The following CUX1 variants were observed in gnomAD, a reference collection of about 807,000 sequenced individuals.
The protein encoded by CUX1 is protein CASP.
Under a neutral mutation model 158.8 loss-of-function variants are expected in CUX1, and 31 were observed. The ratio of observed to expected loss-of-function variants is 0.20; its 90% CI spans 0.15 to 0.26. CUX1 has a LOEUF of 0.26. Ranked by LOEUF, CUX1 falls within the 10% of genes least tolerant of loss-of-function variation. CUX1 has a pLI of 1.00. For synonymous variants in CUX1, 879 were observed against 862.1 expected (o/e 1.02, Z -0.34); for missense variants, 1,589 against 2,014.6 (o/e 0.79, Z 4.04).
chr7:101,822,327 A>G (rs1038857377), intron 1 of CUX1: 1 of 152,184 alleles, frequency 6.6e-6, no homozygotes, highest in Admixed American at 6.5e-5. Flanking sequence ...GAGGACAGCT[A>G]AGGTTTGGTA....
rs868492012 is a variant in CUX1 at position 101,837,043 on chromosome 7, C to T, written c.30+19374C>T. Among the ~76,000 whole-genome samples, 151 of 152,282 alleles carry T rather than the reference C, an allele frequency of 9.9e-4. No homozygotes were observed. The Middle Eastern group carries it at 0.02, about 21-fold the overall frequency. On this transcript the variant is annotated intron_variant, in intron 1 of 23. Coordinates refer to ENST00000292535, the MANE Select transcript of CUX1 (RefSeq NM_181552.4). ...ATTGTGTTATTTGGAGATGGAAGAG[C>T]ATTCTGAAACAAGCCACTATAATGA... is the stretch of plus-strand genomic sequence containing the variant.
intron 2 of CUX1, chr7:101,932,761 T>A: frequency 2.6e-6 from 1 of 385,186 alleles, no homozygotes; most frequent in South Asian, 1.9e-5. Context: ...AAAAATACTG[T>A]TTCACTTAAC....
At chr7:102,241,287 C>T (rs1800180966) in intron 23 of CUX1, among the ~76,000 whole-genome samples, 1 of 152,166 alleles carries the variant, frequency 6.6e-6, no homozygotes, top group Non-Finnish European at 1.5e-5. Context: ...TAACCATACT[C>T]TCTGCTGCTA....
chr7:102,000,709 TATGTGCAGGA>T (rs1400071566), intron 2 of CUX1, among the ~76,000 whole-genome samples: 1 of 152,234 alleles, frequency 6.6e-6, no homozygotes, highest in Admixed American at 6.5e-5. Flanking sequence ...GGTTGGGTTT[TATGTGCAGGA>T]ATGCTGGTGG....
At chr7:102,281,891 A>G in exon 21 of CUX1, 1 of 1,613,384 alleles carries the variant, frequency 6.2e-7, no homozygotes, top group Non-Finnish European at 8.5e-7. Flanking sequence ...CTTCTTCTAC[A>G]CACTGTTCCT....
rs1801626356 is a variant in CUX1, at chr7:102,252,524, T to A, written c.*3482T>A. Reference sequence around the variant, plus strand: ...TTTTAAATGGCTTCTTTTTGTTAATTGGAGGCATTGTTCATAACTTAAGGC... The same window carrying A: ...TTTTAAATGGCTTCTTTTTGTTAATAGGAGGCATTGTTCATAACTTAAGGC... On this transcript the variant is annotated 3_prime_UTR_variant, in exon 24 of 24. Transcript: ENST00000292535. The A allele has an allele frequency of 1.5e-5, 15 of 985,382 alleles. No homozygotes were observed. The highest frequency in any genetic ancestry group is 1.8e-5 in the Non-Finnish European group (15 of 829,958). The allele number at this position is 985,382 out of a possible 1,614,324, so 61.0% of individuals were successfully genotyped here.
intron 23 of CUX1, among the ~76,000 whole-genome samples, chr7:102,242,319 C>T (rs1274627298): frequency 6.6e-6 from 1 of 151,206 alleles, no homozygotes; most frequent in African/African-American, 2.4e-5. Flanking sequence ...TCAAGCTTCT[C>T]CTGCCTCAGC....
intron 23 of CUX1, among the ~76,000 whole-genome samples, chr7:102,244,323 G>GC (rs34717075): frequency 2.6e-5 from 1 of 38,890 alleles, no homozygotes; most frequent in African/African-American, 5.8e-5. Flanking sequence ...GTCAATTTTT[G>GC]CCCCCTCAAA....
At chr7:102,007,818 C>T (rs540592567) in intron 2 of CUX1, among the ~76,000 whole-genome samples, 2 of 151,810 alleles carry the variant, frequency 1.3e-5, no homozygotes, top group South Asian at 2.1e-4. Flanking sequence ...GATCTCGGCT[C>T]ACTGCAACCT....
chr7:102,017,305 A>AAAAAAAG (rs1563135419), intron 2 of CUX1, among the ~76,000 whole-genome samples: 1 of 151,404 alleles, frequency 6.6e-6, no homozygotes. Context: ...AAAAAAAAAA[A>AAAAAAAG]AGTGAGCTTG....
intron 1 of CUX1, among the ~76,000 whole-genome samples, chr7:101,846,619 T>C (rs1320527640): frequency 6.6e-6 from 1 of 152,152 alleles, no homozygotes; most frequent in African/African-American, 2.4e-5. Flanking sequence ...GGAGCCACCC[T>C]ACCCAGCCGA....
Position 101,932,158 on chromosome 7 carries a change from G to A in CUX1, c.141+15933G>A, listed in dbSNP as rs140804993. Among the ~76,000 whole-genome samples, 42 of 152,346 alleles carry A rather than the reference G, an allele frequency of 2.8e-4. No homozygotes were observed. In the East Asian group the frequency reaches 3.3e-3, roughly 12 times the overall value. The stretch of plus-strand genomic sequence containing the variant: ...ATCATAGGTGGCTGTGATTAAGATC[G>A]AGGGAAATGTCGGCCCTGGGCCTCC... On this transcript the variant is annotated intron_variant, in intron 2 of 23. Coordinates refer to ENST00000292535, the MANE Select transcript of CUX1 (RefSeq NM_181552.4).
At chr7:101,965,006 A>G (rs1810984794) in intron 2 of CUX1, among the ~76,000 whole-genome samples, 1 of 152,164 alleles carries the variant, frequency 6.6e-6, no homozygotes. Context: ...AATGGTGATT[A>G]AAGGCGTGGT....
chr7:101,843,420 A>G (rs527440539), intron 1 of CUX1, among the ~76,000 whole-genome samples: 1 of 152,274 alleles, frequency 6.6e-6, no homozygotes, highest in African/African-American at 2.4e-5. Context: ...ACTTATTTTT[A>G]AAAAAGCTTT....
intron 1 of CUX1, among the ~76,000 whole-genome samples, chr7:101,872,489 G>A (rs1732652782): frequency 6.6e-6 from 1 of 151,948 alleles, no homozygotes; most frequent in African/African-American, 2.4e-5. Flanking sequence ...TTTGGAGGTG[G>A]AGAGGAGAAA....
chr7:102,135,491 T>C (rs1554498490), intron 8 of CUX1, among the ~76,000 whole-genome samples: 1 of 151,778 alleles, frequency 6.6e-6, no homozygotes, highest in Non-Finnish European at 1.5e-5. Context: ...TCAGTGTAAT[T>C]TTACTGAAAA....
chr7:102,172,804 G>A (rs1391885954), intron 10 of CUX1, among the ~76,000 whole-genome samples: 2 of 152,196 alleles, frequency 1.3e-5, no homozygotes, highest in South Asian at 2.1e-4. Flanking sequence ...GCTCACACCT[G>A]TAATCCCAGC....
At chr7:102,113,508 A>G (rs189904519) in intron 7 of CUX1, among the ~76,000 whole-genome samples, 2 of 152,246 alleles carry the variant, frequency 1.3e-5, no homozygotes, top group African/African-American at 4.8e-5. Context: ...CACCTGCCTC[A>G]GCCTCCGAAA....
At chr7:101,954,777 T>C (rs1262993937) in intron 2 of CUX1, among the ~76,000 whole-genome samples, 1 of 152,244 alleles carries the variant, frequency 6.6e-6, no homozygotes, top group Non-Finnish European at 1.5e-5. Context: ...ACACACCTAG[T>C]CTGACTGTTG....
Sources: gnomAD v4.1 joint callset for allele counts (sites outside exome capture counted in the v4.1 genomes callset) on GRCh38, gnomAD v4.1.1 for gene constraint, MANE v1.5 for transcripts, NCBI Gene and HGNC (gene_info 2026-07-23, HGNC 2026-07-21) for gene names.